KLHL32: variants seen among roughly 807,000 people sequenced by gnomAD.
KLHL32 encodes the protein kelch like family member 32.
Under a neutral mutation model 64.8 loss-of-function variants are expected in KLHL32, and 35 were observed. The observed-to-expected ratio is 0.54, with a 90% CI of 0.41 to 0.72. KLHL32 has a LOEUF of 0.72. Ranked by LOEUF, KLHL32 falls within the 30% of genes least tolerant of loss-of-function variation. The probability of loss-of-function intolerance (pLI) is 0.00; values close to 1 mark genes in which losing one functional copy is unlikely to be tolerated. For synonymous variants in KLHL32, 259 were observed against 281.0 expected (o/e 0.92, Z 0.78); for missense variants, 589 against 768.5 (o/e 0.77, Z 2.76).
intron 3 of KLHL32, among the ~76,000 whole-genome samples, chr6:97,021,154 G>A (rs113333158): frequency 6.6e-6 from 1 of 151,020 alleles, no homozygotes; most frequent in African/African-American, 2.5e-5. Context: ...ACCCAGGGGA[G>A]CCAATAGTGT....
At chr6:96,983,675 G>A (rs1307895232) in intron 3 of KLHL32, among the ~76,000 whole-genome samples, 1 of 152,204 alleles carries the variant, frequency 6.6e-6, no homozygotes, top group Non-Finnish European at 1.5e-5. Context: ...GCATAGAGGT[G>A]TTTATAGTGT....
At chr6:96,976,457 C>T (rs1264069756) in intron 3 of KLHL32, among the ~76,000 whole-genome samples, 1 of 152,092 alleles carries the variant, frequency 6.6e-6, no homozygotes, top group Admixed American at 6.5e-5. Flanking sequence ...CACTGTAGTG[C>T]TTCATGTGGG....
chr6:97,082,262 A>G (rs980506429), intron 5 of KLHL32, among the ~76,000 whole-genome samples: 1 of 152,168 alleles, frequency 6.6e-6, no homozygotes, highest in Non-Finnish European at 1.5e-5. Context: ...GTGGGTGTCT[A>G]GATGTGACTG....
rs1797150863 is a variant in KLHL32, at chr6:97,111,582, TAGTGGGGAGTGCCTGTAGCCCCCAAAG to T, written c.628-2200_628-2174del. On this transcript the variant is annotated intron_variant, in intron 6 of 10. Transcript: ENST00000369261. ...TCTGTGCAGGCCCCACCACAGCATCTAGTGGGGAGTGCCTGTAGCCCCCAAAGCTCCAGAAGGAGTGTTATGGTACAC... is the reference window on the plus strand; with the variant it reads ...TCTGTGCAGGCCCCACCACAGCATCTCTCCAGAAGGAGTGTTATGGTACAC... Among the ~76,000 whole-genome samples the T allele has an allele frequency of 2.0e-5, 3 of 152,178 alleles. No homozygotes were observed. The South Asian group carries it at 6.2e-4, about 32-fold the overall frequency.
intron 6 of KLHL32, among the ~76,000 whole-genome samples, chr6:97,099,384 A>G (rs1562335488): frequency 2.0e-5 from 3 of 152,054 alleles, no homozygotes; most frequent in Non-Finnish European, 4.4e-5. Flanking sequence ...TTCAGGGTTC[A>G]CCTTGCTCTT....
chr6:97,131,301 G>A lies in KLHL32; in HGVS notation c.1606+352G>A, dbSNP rs116085616. On this transcript the variant is annotated intron_variant, in intron 9 of 10. Coordinates refer to ENST00000369261, the MANE Select transcript of KLHL32 (RefSeq NM_052904.4). ...TAACTCTTTACAGAAGGAATTTATT[G>A]TTTACTTCTCACTGCTTTTAGTCTT... Among the ~76,000 whole-genome samples the A allele has an allele frequency of 3.9e-3, 592 of 152,248 alleles. 2 individuals carry two copies. Among genetic ancestry groups the A allele is most frequent in the African/African-American group, 0.013 (561 of 41,570 alleles).
chr6:96,976,549 C>CT (rs1775713481), intron 3 of KLHL32, among the ~76,000 whole-genome samples: 1 of 152,132 alleles, frequency 6.6e-6, no homozygotes, highest in African/African-American at 2.4e-5. Flanking sequence ...ATTTAAAAGT[C>CT]TTTAAGTATA....
chr6:97,057,172 CTTTTTT>C (rs199552121), intron 4 of KLHL32, among the ~76,000 whole-genome samples: 1 of 64,996 alleles, frequency 1.5e-5, no homozygotes, highest in African/African-American at 8.8e-5. Flanking sequence ...ATGTGAGTAT[CTTTTTT>C]TTTTTTTTTT....
At chr6:97,030,595 A>G (rs1385021427) in intron 3 of KLHL32, among the ~76,000 whole-genome samples, 2 of 152,226 alleles carry the variant, frequency 1.3e-5, no homozygotes, top group African/African-American at 2.4e-5. Context: ...TGAACCAAGC[A>G]TGAGTCTGTG....
At chr6:97,066,408 C>T (rs1381902068) in intron 5 of KLHL32, among the ~76,000 whole-genome samples, 1 of 152,176 alleles carries the variant, frequency 6.6e-6, no homozygotes, top group East Asian at 1.9e-4. Context: ...GATGGGTGAT[C>T]TGTTGAGATA....
chr6:96,903,358 T>A, the KLHL32 span, among the ~76,000 whole-genome samples: 8 of 151,958 alleles, frequency 5.3e-5, no homozygotes. Context: ...TATAACACAA[T>A]CGAATAGAAA....
intron 2 of KLHL32, among the ~76,000 whole-genome samples, chr6:96,969,674 C>T (rs1774901583): frequency 6.6e-6 from 1 of 152,172 alleles, no homozygotes; most frequent in Non-Finnish European, 1.5e-5. Context: ...CACAACTAGG[C>T]CAAAACCTGC....
At chr6:97,023,873 G>C (rs1782354116) in intron 3 of KLHL32, among the ~76,000 whole-genome samples, 1 of 152,206 alleles carries the variant, frequency 6.6e-6, no homozygotes, top group African/African-American at 2.4e-5. Context: ...GTTCAGAAGA[G>C]AGTCCTGAAA....
rs1332425425 is a variant in KLHL32, at chr6:97,119,977, TTTTG to T, written c.1354+5476_1354+5479del. On this transcript the variant is annotated intron_variant, in intron 7 of 10. Transcript: ENST00000369261. ...ACGAAATCCAGAGGTGAAGGAGGGA[TTTTG>T]TTTGTTTAAGGATGCAAGTGCACCG... Among the ~76,000 whole-genome samples the T allele has an allele frequency of 5.9e-5, 9 of 151,798 alleles. No homozygotes were observed. The East Asian group carries it at 9.7e-4, about 16-fold the overall frequency.
chr6:97,111,607 A>G (rs1797155727), intron 6 of KLHL32, among the ~76,000 whole-genome samples: 1 of 152,164 alleles, frequency 6.6e-6, no homozygotes, highest in Admixed American at 6.5e-5. Context: ...GTAGCCCCCA[A>G]AGCTCCAGAA....
At chr6:97,059,221 CAT>C (rs1788482751) in intron 4 of KLHL32, among the ~76,000 whole-genome samples, 1 of 152,080 alleles carries the variant, frequency 6.6e-6, no homozygotes, top group Non-Finnish European at 1.5e-5. Flanking sequence ...AGGATTTTGA[CAT>C]ATGGAAATTA....
chr6:97,027,490 C>T (rs1432672116), intron 3 of KLHL32, among the ~76,000 whole-genome samples: 3 of 152,102 alleles, frequency 2.0e-5, no homozygotes, highest in African/African-American at 7.2e-5. Flanking sequence ...TCAAAAGCAG[C>T]TTTGAGGTAG....
At position 96,976,030 on chromosome 6, in the gene KLHL32, C is replaced by T; in HGVS notation, c.57C>T (p.Cys19=). The part of the protein sequence containing the change: ...IQEMLTGQRL[C]HSESHNDSVL... The stretch of plus-strand genomic sequence containing the variant: ...AAATGCTGACAGGCCAGAGGCTCTG[C>T]CACTCCGAATCTCACAATGACAGTG... The change falls in exon 3 of 11, where the codon TGC becomes TGT. Residue 19 remains cysteine, a synonymous_variant. Transcript: ENST00000369261. 1 of 1,592,100 alleles carries T rather than the reference C, an allele frequency of 6.3e-7. No individual in the cohort carries two copies. The highest frequency in any genetic ancestry group is 1.1e-5 in the South Asian group (1 of 89,406).
At chr6:97,007,369 T>C (rs1779795269) in intron 3 of KLHL32, among the ~76,000 whole-genome samples, 1 of 152,220 alleles carries the variant, frequency 6.6e-6, no homozygotes, top group African/African-American at 2.4e-5. Flanking sequence ...GGCCATTTCA[T>C]CTTTTCGCTC....
Sources: gnomAD v4.1 joint callset for allele counts (sites outside exome capture counted in the v4.1 genomes callset) on GRCh38, gnomAD v4.1.1 for gene constraint, MANE v1.5 for transcripts, NCBI Gene and HGNC (gene_info 2026-07-23, HGNC 2026-07-21) for gene names.